The following CA10 variants were observed in gnomAD, a reference collection of about 807,000 sequenced individuals.
CA10 encodes carbonic anhydrase 10 (inactive), also known as carbonic anhydrase-related protein 10.
A neutral mutation model predicts 44.2 loss-of-function variants in CA10; 14 were observed. The ratio of observed to expected loss-of-function variants is 0.32; its 90% CI spans 0.21 to 0.50. The LOEUF (loss-of-function observed/expected upper bound fraction) is 0.50. CA10 is among the 20% of genes least tolerant of loss of function. The pLI is 0.99. For missense variants in CA10, 350 were observed against 409.7 expected (o/e 0.85, Z 1.26); for synonymous variants, 159 against 141.6 (o/e 1.12, Z -0.87).
chr17:52,115,332 A>G (rs1988870165), intron 1 of CA10, among the ~76,000 whole-genome samples: 1 of 152,214 alleles, frequency 6.6e-6, no homozygotes, highest in African/African-American at 2.4e-5. Flanking sequence ...GCTAAGGAGC[A>G]AAAAATCCTG....
At chr17:51,964,029 CAT>C (rs1451201157) in intron 2 of CA10, among the ~76,000 whole-genome samples, 1 of 152,002 alleles carries the variant, frequency 6.6e-6, no homozygotes, top group African/African-American at 2.4e-5. Flanking sequence ...CCATCTCAAA[CAT>C]AAACACACTC....
intron 4 of CA10, among the ~76,000 whole-genome samples, chr17:51,689,416 A>G (rs761064243): frequency 2.0e-5 from 3 of 152,214 alleles, no homozygotes; most frequent in Non-Finnish European, 4.4e-5. Flanking sequence ...AACACGCCCA[A>G]TGATTTTGAA....
intron 4 of CA10, among the ~76,000 whole-genome samples, chr17:51,744,614 C>CTAAATAAATAAA (rs1208908622): frequency 7.2e-5 from 11 of 152,078 alleles, no homozygotes; most frequent in African/African-American, 2.7e-4. Flanking sequence ...CCCTTTCTCT[C>CTAAATAAATAAA]TAAATAAATA....
At chr17:51,841,241 G>A (rs1397330204) in intron 3 of CA10, among the ~76,000 whole-genome samples, 1 of 152,160 alleles carries the variant, frequency 6.6e-6, no homozygotes, top group East Asian at 1.9e-4. Context: ...CAGTCCGCAT[G>A]TCATTCACAG....
intron 3 of CA10, among the ~76,000 whole-genome samples, chr17:51,827,569 C>T (rs1908071849): frequency 6.6e-6 from 1 of 152,216 alleles, no homozygotes; most frequent in South Asian, 2.1e-4. Context: ...CAAACTCTTA[C>T]ACCTTTTACT....
At chr17:51,635,100 G>C (rs1327129920) in intron 7 of CA10, among the ~76,000 whole-genome samples, 2 of 152,192 alleles carry the variant, frequency 1.3e-5, no homozygotes, top group African/African-American at 4.8e-5. Context: ...AGTCATTGCA[G>C]ATGGAATGAG....
At chr17:51,703,472 A>G (rs1405152700) in intron 4 of CA10, among the ~76,000 whole-genome samples, 4 of 152,002 alleles carry the variant, frequency 2.6e-5, no homozygotes, top group Admixed American at 2.6e-4. Flanking sequence ...CTCTTTGTTT[A>G]CAAAATTGAG....
At chr17:51,915,261 G>A (rs377418276) in intron 3 of CA10, among the ~76,000 whole-genome samples, 8 of 152,104 alleles carry the variant, frequency 5.3e-5, no homozygotes, top group Non-Finnish European at 1.0e-4. Context: ...CAGATCTCAC[G>A]GTAATCGGCA....
chr17:51,867,507 G>A (rs1030994035), intron 3 of CA10, among the ~76,000 whole-genome samples: 4 of 152,150 alleles, frequency 2.6e-5, no homozygotes, highest in South Asian at 2.1e-4. Flanking sequence ...ATAATGAGAC[G>A]AGATGCTCAC....
intron 3 of CA10, among the ~76,000 whole-genome samples, chr17:51,851,870 T>TA (rs1978810747): frequency 6.6e-6 from 1 of 152,244 alleles, no homozygotes; most frequent in South Asian, 2.1e-4. Context: ...TTAAAAGGTT[T>TA]AGATTTCACT....
chr17:52,118,675 A>C (rs1161825138), intron 1 of CA10, among the ~76,000 whole-genome samples: 1 of 152,150 alleles, frequency 6.6e-6, no homozygotes, highest in Non-Finnish European at 1.5e-5. Context: ...TATATTCCAA[A>C]ATTGTATGGG....
chr17:51,899,130 T>C (rs1021813011), intron 3 of CA10, among the ~76,000 whole-genome samples: 26 of 152,084 alleles, frequency 1.7e-4, no homozygotes, highest in African/African-American at 6.3e-4. Context: ...CTAGTTGAGA[T>C]GTTAGGTTGT....
At chr17:51,920,552 C>G (rs542007179) in intron 3 of CA10, among the ~76,000 whole-genome samples, 2 of 152,146 alleles carry the variant, frequency 1.3e-5, no homozygotes, top group African/African-American at 4.8e-5. Context: ...ATTAGAGACA[C>G]TTATGAAATA....
intron 2 of CA10, among the ~76,000 whole-genome samples, chr17:51,946,599 C>T (rs1482101874): frequency 6.6e-6 from 1 of 152,100 alleles, no homozygotes; most frequent in African/African-American, 2.4e-5. Flanking sequence ...TCCATCACAC[C>T]ATGTCCCTCA....
intron 4 of CA10, among the ~76,000 whole-genome samples, chr17:51,654,633 T>G (rs1401299903): frequency 6.6e-6 from 1 of 152,040 alleles, no homozygotes; most frequent in Non-Finnish European, 1.5e-5. Context: ...TTCAGCTCAC[T>G]GCAACCTCCG....
chr17:51,920,536 G>C (rs971743614), intron 3 of CA10, among the ~76,000 whole-genome samples: 6 of 152,224 alleles, frequency 3.9e-5, no homozygotes, highest in African/African-American at 1.4e-4. Context: ...TAAAGAATGA[G>C]AGAGAATTAG....
chr17:51,970,927 A>C (rs1984258531), intron 2 of CA10, among the ~76,000 whole-genome samples: 1 of 152,090 alleles, frequency 6.6e-6, no homozygotes, highest in African/African-American at 2.4e-5. Flanking sequence ...AGCAGTGATG[A>C]AAATTTACTT....
At chr17:51,776,815 C>T (rs1228388881) in intron 3 of CA10, among the ~76,000 whole-genome samples, 1 of 152,196 alleles carries the variant, frequency 6.6e-6, no homozygotes, top group African/African-American at 2.4e-5. Flanking sequence ...AGTACCTACA[C>T]GTATTGGACA....
intron 4 of CA10, among the ~76,000 whole-genome samples, chr17:51,731,602 A>G (rs558071047): frequency 2.0e-5 from 3 of 149,744 alleles, no homozygotes; most frequent in South Asian, 2.1e-4. Flanking sequence ...TTTAAAATCT[A>G]TGACATCTCA....
Sources: allele counts gnomAD v4.1 joint callset (sites outside exome capture counted in the v4.1 genomes callset), GRCh38; gene constraint gnomAD v4.1.1; transcripts MANE v1.5; gene names NCBI Gene and HGNC (gene_info 2026-07-23, HGNC 2026-07-21).